CDH2: variants seen among roughly 807,000 people sequenced by gnomAD.
CDH2 encodes the protein cadherin 2, also known as cadherin-2.
A neutral mutation model predicts 92.0 loss-of-function variants in CDH2; 17 were observed. That is an observed-to-expected ratio of 0.18 (90% CI 0.13 to 0.28). The LOEUF (loss-of-function observed/expected upper bound fraction) is 0.28. Ranked by LOEUF, CDH2 falls within the 10% of genes least tolerant of loss-of-function variation. CDH2 has a pLI of 1.00. For missense variants in CDH2, 862 were observed against 1,133.1 expected (o/e 0.76, Z 3.44); for synonymous variants, 419 against 415.9 (o/e 1.01, Z -0.09).
At chr18:27,993,460 C>T in intron 8 of CDH2, 40 bp downstream of exon 8, 2 of 1,593,058 alleles carry the variant, frequency 1.3e-6, no homozygotes. Flanking sequence ...CAGTAACGAA[C>T]TACAGACCCA....
At chr18:28,074,159 A>G (rs1285359485) in intron 2 of CDH2, among the ~76,000 whole-genome samples, 1 of 152,216 alleles carries the variant, frequency 6.6e-6, no homozygotes, top group Non-Finnish European at 1.5e-5. Flanking sequence ...CAAAGTAGTC[A>G]TGTAAAGGTG....
In CDH2 at chr18:28,049,756, T is replaced by C. The variant is rs1280880330; in HGVS notation, c.173-35847A>G. ...CCTAGTCACTGCTGTTAGAAATGTTTGGTGCAATTTAACCCGTATGCAACT... is the reference window on the plus strand; with the variant it reads ...CCTAGTCACTGCTGTTAGAAATGTTCGGTGCAATTTAACCCGTATGCAACT... On this transcript the variant is annotated intron_variant, in intron 2 of 15. Transcript: ENST00000269141. Among the ~76,000 whole-genome samples, 8 of 152,262 alleles carry C rather than the reference T, an allele frequency of 5.3e-5. No homozygotes were observed. The East Asian group carries it at 1.5e-3, about 29-fold the overall frequency.
At chr18:28,018,184 A>C (rs2013306266) in intron 2 of CDH2, among the ~76,000 whole-genome samples, 1 of 151,570 alleles carries the variant, frequency 6.6e-6, no homozygotes, top group Non-Finnish European at 1.5e-5. Context: ...AAAAGGAGGC[A>C]ACAGACTGCT....
chr18:27,993,577 C>T lies in CDH2; in HGVS notation c.1081G>A (p.Gly361Ser), dbSNP rs1297894688. The change falls in exon 8 of 16, where the codon GGC (glycine) becomes AGC (serine). Residue 361 changes from glycine (G) to serine (S), a missense_variant. By Grantham distance (56) the Gly-to-Ser change is moderately conservative. Coordinates refer to ENST00000269141, the MANE Select transcript of CDH2 (RefSeq NM_001792.5). Reference sequence around the variant, plus strand: ...ACGGCCGTGGCTGTGTTTGAAAGGCCATATGTGGGATTGCCTTCCATGTCT... The same window carrying T: ...ACGGCCGTGGCTGTGTTTGAAAGGCTATATGTGGGATTGCCTTCCATGTCT... ...ATDMEGNPTY[G>S]LSNTATAVIT... The T allele has an allele frequency of 6.2e-7, 1 of 1,613,696 alleles. No individual in the cohort carries two copies. Among genetic ancestry groups the T allele is most frequent in the Non-Finnish European group, 8.5e-7 (1 of 1,179,652 alleles).
intron 1 of CDH2, among the ~76,000 whole-genome samples, chr18:28,171,311 T>G (rs749400250): frequency 2.0e-5 from 3 of 151,962 alleles, no homozygotes; most frequent in Non-Finnish European, 2.9e-5. Context: ...ATTTTTAATG[T>G]TGACCCCCTA....
intron 2 of CDH2, among the ~76,000 whole-genome samples, chr18:28,045,760 A>T (rs1176195405): frequency 6.6e-6 from 1 of 152,192 alleles, no homozygotes; most frequent in African/African-American, 2.4e-5. Context: ...ATATTTTCCC[A>T]AACCGAAGCT....
chr18:28,013,797 G>A lies in CDH2; in HGVS notation c.285C>T (p.Leu95=), dbSNP rs1428085099. The change falls in exon 3 of 16, where the codon CTC becomes CTT. Residue 95 remains leucine (L), a synonymous_variant. Coordinates refer to ENST00000269141, the MANE Select transcript of CDH2 (RefSeq NM_001792.5). ...GMVYAVRSFP[L]SSEHAKFLIY... ...TCAGGAACTTGGCATGCTCAGAAGA[G>A]AGTGGAAAGCTTCTCACGGCATACA... 2 of 1,613,996 alleles carry A rather than the reference G, an allele frequency of 1.2e-6. No homozygotes were observed. Among genetic ancestry groups the A allele is most frequent in the Non-Finnish European group, 1.7e-6 (2 of 1,179,904 alleles).
At chr18:28,101,702 A>G (rs936996505) in intron 2 of CDH2, among the ~76,000 whole-genome samples, 1 of 152,166 alleles carries the variant, frequency 6.6e-6, no homozygotes, top group African/African-American at 2.4e-5. Context: ...TACAAGCATA[A>G]ACTTTTCTGC....
intron 6 of CDH2, among the ~76,000 whole-genome samples, chr18:27,945,400 GTTTATA>G: frequency 7.7e-6 from 1 of 130,120 alleles, no homozygotes; most frequent in Non-Finnish European, 1.6e-5. Flanking sequence ...CTGTCAGGTA[GTTTATA>G]TTTGTATGAT....
chr18:28,111,313 G>A (rs2015409540), intron 2 of CDH2, among the ~76,000 whole-genome samples: 1 of 152,186 alleles, frequency 6.6e-6, no homozygotes, highest in Non-Finnish European at 1.5e-5. Flanking sequence ...ACGTGCATAC[G>A]TGACCCCAAT....
intron 14 of CDH2, among the ~76,000 whole-genome samples, chr18:27,970,808 G>A (rs1218949492): frequency 2.0e-5 from 3 of 152,140 alleles, no homozygotes; most frequent in Non-Finnish European, 2.9e-5. Context: ...TCCATGTCAC[G>A]ATGTTTCAAC....
intron 2 of CDH2, among the ~76,000 whole-genome samples, chr18:28,075,396 C>T (rs2014700214): frequency 6.6e-6 from 1 of 152,106 alleles, no homozygotes; most frequent in Non-Finnish European, 1.5e-5. Context: ...CAAGACTCAT[C>T]CTTCTATTTC....
intron 2 of CDH2, among the ~76,000 whole-genome samples, chr18:28,094,173 T>C (rs2015084816): frequency 1.3e-5 from 2 of 152,122 alleles, no homozygotes; most frequent in South Asian, 4.1e-4. Context: ...GTTCCTCAAC[T>C]ATAAAAATGA....
intron 1 of CDH2, among the ~76,000 whole-genome samples, chr18:28,162,054 A>C (rs889779410): frequency 4.6e-5 from 7 of 152,176 alleles, no homozygotes; most frequent in Non-Finnish European, 7.3e-5. Context: ...ATCAGTAATA[A>C]ATGTTGTAAT....
At chr18:27,933,575 G>C (rs543376062) in intron 6 of CDH2, among the ~76,000 whole-genome samples, 1 of 152,160 alleles carries the variant, frequency 6.6e-6, no homozygotes, top group African/African-American at 2.4e-5. Context: ...AAAAGAAAGA[G>C]AGAAAAGGAG....
At chr18:27,939,439 C>T (rs1909087799) in intron 6 of CDH2, among the ~76,000 whole-genome samples, 1 of 152,180 alleles carries the variant, frequency 6.6e-6, no homozygotes, top group Non-Finnish European at 1.5e-5. Context: ...CCTACGTGAC[C>T]TTTATAGTAG....
intron 6 of CDH2, among the ~76,000 whole-genome samples, chr18:27,933,409 A>G (rs1908947879): frequency 6.6e-6 from 1 of 152,100 alleles, no homozygotes; most frequent in Admixed American, 6.5e-5. Flanking sequence ...ATGTATAGGT[A>G]TGTTGTGAAA....
Position 27,990,222 on chromosome 18 carries a change from T to C in CDH2, c.1473A>G (p.Val491=), listed in dbSNP as rs2012370074. 1 of 1,614,180 alleles carries C rather than the reference T, an allele frequency of 6.2e-7. No homozygotes were observed. Among genetic ancestry groups the C allele is most frequent in the Non-Finnish European group, 8.5e-7 (1 of 1,180,008 alleles). Residue 491 remains valine, a synonymous_variant, in exon 10 of 16, where the codon GTA becomes GTG. Transcript: ENST00000269141. ...TATVSVTVID[V]NENPYFAPNP... ...TGGGGGCAAAATAAGGGTTTTCATTTACGTCAATAACTGTAACAGACACGG... is the reference window on the plus strand; with the variant it reads ...TGGGGGCAAAATAAGGGTTTTCATTCACGTCAATAACTGTAACAGACACGG...
At position 27,990,275 on chromosome 18, in the gene CDH2, T is replaced by C. The variant is rs1481966925; in HGVS notation, c.1420A>G (p.Ile474Val). ...GCAGTTGACTGAGGGGGGTGCTGAATTCCCTTGGCTAATGGCACTTGATTT... is the reference window on the plus strand; with the variant it reads ...GCAGTTGACTGAGGGGGGTGCTGAACTCCCTTGGCTAATGGCACTTGATTT... Reference protein sequence around the residue: ...AENQVPLAKGIQHPPQSTATV... With the variant: ...AENQVPLAKGVQHPPQSTATV... The change falls in exon 10 of 16, where the codon ATT becomes GTT. Residue 474 changes from isoleucine to valine, a missense_variant. By Grantham distance (29) the Ile-to-Val change is conservative. This residue lies in a region of CDH2 where 564 missense variants were observed against 722.2 expected (regional missense o/e 0.78). Coordinates refer to ENST00000269141, the MANE Select transcript of CDH2 (RefSeq NM_001792.5). The C allele has an allele frequency of 1.2e-6, 2 of 1,613,854 alleles. No individual in the cohort carries two copies. Among genetic ancestry groups the C allele is most frequent in the Non-Finnish European group, 1.7e-6 (2 of 1,179,882 alleles).
Sources: allele counts gnomAD v4.1 joint callset (sites outside exome capture counted in the v4.1 genomes callset), GRCh38; gene constraint gnomAD v4.1.1; regional missense constraint gnomAD v4.1.1; transcripts MANE v1.5; gene names NCBI Gene and HGNC (gene_info 2026-07-23, HGNC 2026-07-21).